Variants in MC2R observed in about 807,000 individuals in gnomAD.
MC2R encodes the protein adrenocorticotropic hormone receptor.
MC2R carries 9 observed loss-of-function variants against 9.8 expected under a neutral mutation model. That is an observed-to-expected ratio of 0.92 (90% confidence interval 0.55 to 1.60). MC2R has a LOEUF of 1.60. MC2R is among the 40% of genes most tolerant of loss of function. MC2R has a pLI of 0.00. For synonymous variants in MC2R, 185 were observed against 154.7 expected (o/e 1.20, Z -1.45); for missense variants, 370 against 389.0 (o/e 0.95, Z 0.41).
chr18:13,897,336 G>T (rs553119166), intron 1 of MC2R, among the ~76,000 whole-genome samples: 6 of 152,192 alleles, frequency 3.9e-5, no homozygotes, highest in Admixed American at 3.9e-4. Flanking sequence ...TAGCCAGGGG[G>T]AATCGCTGAC....
chr18:13,902,794 G>C (rs190245393), intron 1 of MC2R, among the ~76,000 whole-genome samples: 26 of 152,230 alleles, frequency 1.7e-4, no homozygotes, highest in African/African-American at 6.3e-4. Flanking sequence ...AAAATTTCTT[G>C]AGTAATACCC....
chr18:13,886,195 C>T (rs1414790646), intron 1 of MC2R, among the ~76,000 whole-genome samples: 1 of 152,188 alleles, frequency 6.6e-6, no homozygotes, highest in Non-Finnish European at 1.5e-5. Context: ...AACAAAATGG[C>T]ACTTTTGTAC....
intron 1 of MC2R, among the ~76,000 whole-genome samples, chr18:13,907,972 G>A (rs1567903032): frequency 6.6e-6 from 1 of 152,134 alleles, no homozygotes; most frequent in Non-Finnish European, 1.5e-5. Flanking sequence ...ACAGTTTGGA[G>A]GTGACTCAAA....
At chr18:13,895,615 A>T (rs2045341406) in intron 1 of MC2R, among the ~76,000 whole-genome samples, 1 of 152,072 alleles carries the variant, frequency 6.6e-6, no homozygotes, top group Admixed American at 6.6e-5. Flanking sequence ...GTCGAAAAAG[A>T]AAAAAAAGCT....
rs1567895362 is a variant in MC2R at position 13,884,717 on chromosome 18, TG to T, written c.801del (p.Cys267Ter). On this transcript the variant is annotated frameshift_variant, in exon 2 of 2. Coordinates refer to ENST00000327606, the MANE Select transcript of MC2R (RefSeq NM_000529.2). LOFTEE classifies it high-confidence loss of function. ...LFQVNGMLIMCNAVIDPFIYA... is the reference protein window; with the variant it reads ...LFQVNGMLIMXNAVIDPFIYA... The stretch of plus-strand genomic sequence containing the variant: ...TATATGAAGGGGTCAATGACGGCAT[TG>T]CACATGATCAACATGCCGTTCACCT... The T allele has an allele frequency of 6.2e-7, 1 of 1,614,158 alleles. No homozygotes were observed. The highest frequency in any genetic ancestry group is 2.2e-5 in the East Asian group (1 of 44,888).
intron 1 of MC2R, among the ~76,000 whole-genome samples, chr18:13,889,292 G>A (rs1436383232): frequency 6.6e-6 from 1 of 152,230 alleles, no homozygotes; most frequent in African/African-American, 2.4e-5. Flanking sequence ...CAAGGTCTTA[G>A]AAGGCTCTAA....
chr18:13,911,811 A>G (rs775064104), intron 1 of MC2R, among the ~76,000 whole-genome samples: 1 of 152,254 alleles, frequency 6.6e-6, no homozygotes, highest in Non-Finnish European at 1.5e-5. Flanking sequence ...AATCACTTAA[A>G]GAATTGGCAG....
rs76198469 is a variant in MC2R at position 13,909,329 on chromosome 18, A to G, written c.-129+6159T>C. On this transcript the variant is annotated intron_variant, in intron 1 of 1. Transcript: ENST00000327606. ...AAGGGACACGCTATCAAGGTGACTC[A>G]TGACTGGTGCTAACCATGGTCACCT... 3.3e-4 allele frequency among the ~76,000 whole-genome samples: 51 copies of G among 152,366 alleles called. 1 individual carries two copies. In the East Asian group the frequency reaches 7.9e-3, roughly 24 times the overall value.
At chr18:13,889,315 CCCCAGGA>C (rs2045299078) in intron 1 of MC2R, among the ~76,000 whole-genome samples, 1 of 152,166 alleles carries the variant, frequency 6.6e-6, no homozygotes. Flanking sequence ...CTGCAGTGCT[CCCCAGGA>C]GGCAGAGATG....
At chr18:13,893,836 G>T (rs988632598) in intron 1 of MC2R, among the ~76,000 whole-genome samples, 6 of 152,328 alleles carry the variant, frequency 3.9e-5, no homozygotes, top group African/African-American at 1.4e-4. Flanking sequence ...CAGATATTCA[G>T]CTCTGTGATT....
At position 13,884,834 on chromosome 18, in the gene MC2R, T is replaced by G; in HGVS notation, c.685A>C (p.Ile229Leu). Residue 229 changes from isoleucine to leucine, a missense_variant, in exon 2 of 2, where the codon ATC (isoleucine) becomes CTC (leucine). Ile to Leu is a conservative substitution (Grantham distance 5). Coordinates refer to ENST00000327606, the MANE Select transcript of MC2R (RefSeq NM_000529.2). ...AGCACAAAGGGGGCCCAGCAGAAGA[T>G]GAAGACCCCGAGCAGGATGGTCAGT... ...ITLTILLGVF[I>L]FCWAPFVLHV... 1 of 1,613,944 alleles carries G rather than the reference T, an allele frequency of 6.2e-7. No homozygotes were observed.
chr18:13,902,255 T>C (rs1454869026), intron 1 of MC2R, among the ~76,000 whole-genome samples: 1 of 152,008 alleles, frequency 6.6e-6, no homozygotes, highest in African/African-American at 2.4e-5. Flanking sequence ...TACCTCAACA[T>C]AATAAAAGCT....
In MC2R at chr18:13,885,635, T is replaced by C. The variant is rs886053652; in HGVS notation, c.-117A>G. ...CACTTGCTGGAGATCTAAGTTAAAA[T>C]CTCCCAATCACCTAAAAGGGAGTAT... On this transcript the variant is annotated 5_prime_UTR_variant, in exon 2 of 2. Transcript: ENST00000327606. 8.5e-7 allele frequency: 1 copy of C among 1,172,994 alleles called. No homozygotes were observed. The highest frequency in any genetic ancestry group is 1.2e-6 in the Non-Finnish European group (1 of 802,882). The allele number at this position is 1,172,994 out of a possible 1,614,324, so 72.7% of individuals were successfully genotyped here.
At chr18:13,906,330 C>T (rs1005115385) in intron 1 of MC2R, among the ~76,000 whole-genome samples, 2 of 152,044 alleles carry the variant, frequency 1.3e-5, no homozygotes, top group African/African-American at 4.8e-5. Flanking sequence ...AACACAGGAA[C>T]AGAAAACCAA....
intron 1 of MC2R, among the ~76,000 whole-genome samples, chr18:13,898,617 G>C (rs1275551088): frequency 2.0e-5 from 3 of 152,220 alleles, no homozygotes; most frequent in African/African-American, 2.4e-5. Flanking sequence ...CAGTCACAGT[G>C]GTAGTGACGA....
chr18:13,897,511 C>A (rs142978124), intron 1 of MC2R, among the ~76,000 whole-genome samples: 333 of 152,252 alleles, frequency 2.2e-3, no homozygotes, highest in African/African-American at 7.8e-3. Flanking sequence ...GGGGGGCGCA[C>A]AACCTACTGA....
At chr18:13,898,515 G>A (rs2045359883) in intron 1 of MC2R, among the ~76,000 whole-genome samples, 1 of 152,220 alleles carries the variant, frequency 6.6e-6, no homozygotes, top group Non-Finnish European at 1.5e-5. Context: ...GAGCCCCAGG[G>A]CCTTGAGTGA....
At chr18:13,893,440 T>C (rs1053062450) in intron 1 of MC2R, among the ~76,000 whole-genome samples, 1 of 152,232 alleles carries the variant, frequency 6.6e-6, no homozygotes, top group African/African-American at 2.4e-5. Context: ...TGAGTATTCA[T>C]ACAAGCTGTG....
At chr18:13,895,608 G>A (rs543298235) in intron 1 of MC2R, among the ~76,000 whole-genome samples, 7 of 151,832 alleles carry the variant, frequency 4.6e-5, no homozygotes, top group Middle Eastern at 6.8e-3. Context: ...TCTGAATGTC[G>A]AAAAAGAAAA....
Sources: gnomAD v4.1 joint callset for allele counts (sites outside exome capture counted in the v4.1 genomes callset) on GRCh38, gnomAD v4.1.1 for gene constraint, MANE v1.5 for transcripts, NCBI Gene and HGNC (gene_info 2026-07-23, HGNC 2026-07-21) for gene names.